The following IARS2 variants were observed in gnomAD, a reference collection of about 807,000 sequenced individuals.
IARS2 encodes the protein isoleucine--tRNA ligase, mitochondrial.
In IARS2, 56 loss-of-function variants were observed where a neutral mutation model predicts 126.3. The ratio of observed to expected loss-of-function variants is 0.44; its 90% CI spans 0.36 to 0.55. The LOEUF is 0.55. Among genes scored for constraint, IARS2 ranks in the 20% least tolerant of loss-of-function variants. The pLI is 0.00. For missense variants in IARS2, 1,127 were observed against 1,245.9 expected (o/e 0.90, Z 1.44); for synonymous variants, 407 against 441.1 (o/e 0.92, Z 0.97).
intron 10 of IARS2, among the ~76,000 whole-genome samples, chr1:220,110,526 C>T (rs757424644): frequency 1.3e-5 from 2 of 152,068 alleles, no homozygotes; most frequent in Non-Finnish European, 2.9e-5. Flanking sequence ...CCACCATGCC[C>T]GGCTGATTTT....
chr1:220,114,455 G>A lies in IARS2; in HGVS notation c.1621G>A (p.Asp541Asn), dbSNP rs1194945018. 6.2e-7 allele frequency: 1 copy of A among 1,612,270 alleles called. No individual in the cohort carries two copies. The highest frequency in any genetic ancestry group is 8.5e-7 in the Non-Finnish European group (1 of 1,179,462). Residue 541 changes from aspartate to asparagine, a missense_variant, in exon 12 of 23, where the codon GAT (aspartate) becomes AAT (asparagine). Transcript: ENST00000366922. ...PIPVFHHKTK[D>N]EYLINSQTTE... ...TCCTGTGTTTCATCATAAGACCAAG[G>A]ATGAATACTTGATCAACAGGTAGAA...
rs371934670 is a variant in IARS2 at position 220,106,101 on chromosome 1, T to C, written c.1236+41T>C. ...TATCATTTTTAATTATTCATCTTAA[T>C]AAAAGGAAATGATAAATTCTAACCA... is the stretch of plus-strand genomic sequence containing the variant. On this transcript the variant is annotated intron_variant, in intron 9 of 22. Transcript: ENST00000366922. 9 of 1,488,042 alleles carry C rather than the reference T, an allele frequency of 6.0e-6. No individual in the cohort carries two copies. The African/African-American group carries it at 1.3e-4, about 21-fold the overall frequency. 92.2% of individuals were successfully genotyped at this position (1,488,042 alleles called of 1,614,324 possible).
chr1:220,111,419 C>G (rs1656797119), intron 11 of IARS2, among the ~76,000 whole-genome samples: 1 of 152,010 alleles, frequency 6.6e-6, no homozygotes, highest in Non-Finnish European at 1.5e-5. Flanking sequence ...AAAAAAGTTA[C>G]TGTTCTGCTT....
intron 1 of IARS2, among the ~76,000 whole-genome samples, chr1:220,095,862 A>G (rs555713440): frequency 6.6e-6 from 1 of 152,330 alleles, no homozygotes; most frequent in East Asian, 1.9e-4. Flanking sequence ...GCTGCATATC[A>G]TATAAAGAGT....
Position 220,139,070 on chromosome 1 carries a change from C to T in IARS2, c.2238C>T (p.Ser746=), listed in dbSNP as rs1441129862. The T allele has an allele frequency of 1.2e-5, 20 of 1,612,746 alleles. No individual in the cohort carries two copies. In the Admixed American group the frequency reaches 3.3e-4, roughly 27 times the overall value. ...CTGATTTCAACCCAGAAACAGATTC[C>T]ATCCCTGTAAACGATATGTATGTCA... ...NVADFNPETD[S]IPVNDMYVID... Residue 746 remains serine, a synonymous_variant, in exon 18 of 23, where the codon TCC becomes TCT. Transcript: ENST00000366922.
At chr1:220,119,089 G>A (rs947798488) in intron 12 of IARS2, among the ~76,000 whole-genome samples, 8 of 152,114 alleles carry the variant, frequency 5.3e-5, no homozygotes, top group African/African-American at 1.9e-4. Flanking sequence ...GACAGCAGTC[G>A]TTTCTTTGTT....
intron 21 of IARS2, among the ~76,000 whole-genome samples, chr1:220,145,145 T>A (rs1009188417): frequency 6.6e-6 from 1 of 151,688 alleles, no homozygotes; most frequent in Admixed American, 6.6e-5. Flanking sequence ...TTCCACCACG[T>A]ATGGGTTGAG....
At chr1:220,144,101 T>C in intron 21 of IARS2, 1 of 943,936 alleles carries the variant, frequency 1.1e-6, no homozygotes. Flanking sequence ...TCTAGATCTT[T>C]GCTTTGCACA....
chr1:220,134,932 TA>T (rs1368195481), intron 15 of IARS2: 1 of 152,504 alleles, frequency 6.6e-6, no homozygotes, highest in Non-Finnish European at 1.5e-5. Flanking sequence ...CACACCTGGC[TA>T]ATTTTTAATT....
At position 220,137,586 on chromosome 1, in the gene IARS2, C is replaced by T. The variant is rs572437090; in HGVS notation, c.2050-332C>T. The T allele has an allele frequency of 2.3e-4, 44 of 194,808 alleles. No individual in the cohort carries two copies. The East Asian group carries it at 3.8e-3, about 17-fold the overall frequency. The allele number at this position is 194,808 out of a possible 1,614,324, so 12.1% of individuals were successfully genotyped here. A position where few individuals can be genotyped will look rare whatever the true frequency, so the allele number is the denominator to read the frequency against. On this transcript the variant is annotated intron_variant, in intron 16 of 22. Transcript: ENST00000366922. ...ATAGTGAAAGGAAAAGCAGTCCTTC[C>T]TCTTCCCCTCCCTTATTATAGAGAC...
At chr1:220,128,028 C>T (rs1025294328) in intron 14 of IARS2, among the ~76,000 whole-genome samples, 3 of 152,086 alleles carry the variant, frequency 2.0e-5, no homozygotes, top group Non-Finnish European at 2.9e-5. Flanking sequence ...ATGATGATGG[C>T]CCCACAAGAT....
At chr1:220,095,117 C>T (rs1656410884) in intron 1 of IARS2, among the ~76,000 whole-genome samples, 1 of 152,240 alleles carries the variant, frequency 6.6e-6, no homozygotes, top group Non-Finnish European at 1.5e-5. Flanking sequence ...CAGCTCACTA[C>T]AACTTCCGCC....
At chr1:220,103,032 T>C (rs1168360404) in intron 7 of IARS2, among the ~76,000 whole-genome samples, 1 of 151,988 alleles carries the variant, frequency 6.6e-6, no homozygotes, top group Non-Finnish European at 1.5e-5. Context: ...TGAAGTCAGT[T>C]TTTTCTTTTT....
chr1:220,132,093 G>A (rs566446855), intron 14 of IARS2, among the ~76,000 whole-genome samples: 3 of 152,180 alleles, frequency 2.0e-5, no homozygotes, highest in South Asian at 2.1e-4. Flanking sequence ...ACCGCAAGTG[G>A]CCTGTTGAGG....
At chr1:220,137,157 T>C (rs1657393255) in intron 16 of IARS2, among the ~76,000 whole-genome samples, 1 of 152,158 alleles carries the variant, frequency 6.6e-6, no homozygotes. Context: ...GCCTTTAAAA[T>C]GTGTAGATCC....
At chr1:220,129,378 C>T (rs1197004361) in intron 14 of IARS2, among the ~76,000 whole-genome samples, 1 of 136,930 alleles carries the variant, frequency 7.3e-6, no homozygotes, top group African/African-American at 2.8e-5. Context: ...CATTTTATAT[C>T]TTCTCTTCTA....
chr1:220,096,500 A>G (rs1331407614), intron 2 of IARS2, among the ~76,000 whole-genome samples: 2 of 152,118 alleles, frequency 1.3e-5, no homozygotes, highest in African/African-American at 4.8e-5. Context: ...GCAGTGGACA[A>G]AAAAAAGGTA....
chr1:220,125,602 G>C (rs1410450649), intron 13 of IARS2, among the ~76,000 whole-genome samples: 3 of 152,148 alleles, frequency 2.0e-5, no homozygotes. Context: ...CCATGAGTTT[G>C]AGACCAGCCT....
At position 220,103,486 on chromosome 1, in the gene IARS2, CGTACT is replaced by C; in HGVS notation, c.992_996del (p.Val331GlyfsTer4). Reference sequence around the variant, plus strand: ...AATGTTCTAAGTCTGGAGACCTCTACGTACTGGCGGCAGATAAAGTAGCATCTGTT... The same window carrying C: ...AATGTTCTAAGTCTGGAGACCTCTACGGCGGCAGATAAAGTAGCATCTGTT... On this transcript the variant is annotated frameshift_variant, in exon 8 of 23. Transcript: ENST00000366922. LOFTEE classifies it high-confidence loss of function. 1 of 1,613,070 alleles carries C rather than the reference CGTACT, an allele frequency of 6.2e-7. No individual in the cohort carries two copies. The highest frequency in any genetic ancestry group is 8.5e-7 in the Non-Finnish European group (1 of 1,179,142).
Sources: gnomAD v4.1 joint callset for allele counts (sites outside exome capture counted in the v4.1 genomes callset) on GRCh38, gnomAD v4.1.1 for gene constraint, MANE v1.5 for transcripts, NCBI Gene and HGNC (gene_info 2026-07-23, HGNC 2026-07-21) for gene names.